PDS5A: variants seen among roughly 807,000 people sequenced by gnomAD.
The protein encoded by PDS5A is PDS5 cohesin associated factor A, also known as sister chromatid cohesion protein PDS5 homolog A.
Under a neutral mutation model 167.1 loss-of-function variants are expected in PDS5A, and 42 were observed. The observed-to-expected ratio is 0.25, with a 90% CI of 0.20 to 0.33. The LOEUF (loss-of-function observed/expected upper bound fraction) is 0.33, where lower values mean the gene tolerates loss of function less well. Ranked by LOEUF, PDS5A falls within the 10% of genes least tolerant of loss-of-function variation. The probability of loss-of-function intolerance (pLI) is 1.00; values close to 1 mark genes in which losing one functional copy is unlikely to be tolerated. For missense variants in PDS5A, 1,033 were observed against 1,605.9 expected (o/e 0.64, Z 6.10); for synonymous variants, 553 against 554.6 (o/e 1.00, Z 0.04).
chr4:39,907,269 G>A (rs538202829), intron 11 of PDS5A, among the ~76,000 whole-genome samples: 2 of 152,186 alleles, frequency 1.3e-5, no homozygotes, highest in Admixed American at 6.5e-5. Context: ...AACTTAAAAG[G>A]TATCTGCCTT....
intron 2 of PDS5A, among the ~76,000 whole-genome samples, chr4:39,963,989 C>T (rs1729745566): frequency 6.6e-6 from 1 of 152,140 alleles, no homozygotes; most frequent in Non-Finnish European, 1.5e-5. Context: ...TCACTGCAAC[C>T]TCTGCCTCCC....
rs184958061 is a variant in PDS5A at position 39,959,163 on chromosome 4, A to C, written c.138+17277T>G. Reference sequence around the variant, plus strand: ...AATCATCTCAAAATATGATAATCTCACATGAAAATCCATTCTACTGTTATT... The same window carrying C: ...AATCATCTCAAAATATGATAATCTCCCATGAAAATCCATTCTACTGTTATT... On this transcript the variant is annotated intron_variant, in intron 2 of 32. Coordinates refer to ENST00000303538, the MANE Select transcript of PDS5A (RefSeq NM_001100399.2). Among the ~76,000 whole-genome samples, 37 of 152,284 alleles carry C rather than the reference A, an allele frequency of 2.4e-4. No homozygotes were observed. In the East Asian group the frequency reaches 5.4e-3, roughly 22 times the overall value.
At chr4:39,918,854 A>C (rs967681806) in intron 7 of PDS5A, among the ~76,000 whole-genome samples, 1 of 152,204 alleles carries the variant, frequency 6.6e-6, no homozygotes, top group African/African-American at 2.4e-5. Context: ...CTCCATCTCT[A>C]ATCATTCCCA....
intron 32 of PDS5A, among the ~76,000 whole-genome samples, chr4:39,836,104 T>C (rs1248113695): frequency 6.6e-6 from 1 of 152,222 alleles, no homozygotes; most frequent in African/African-American, 2.4e-5. Flanking sequence ...GGCACTTTGC[T>C]AGGCGCTTTC....
At chr4:39,836,296 TAGG>T (rs1319546614) in intron 32 of PDS5A, among the ~76,000 whole-genome samples, 1 of 152,106 alleles carries the variant, frequency 6.6e-6, no homozygotes, top group East Asian at 1.9e-4. Flanking sequence ...CAGAAGTGAG[TAGG>T]AGGAACACAC....
In PDS5A at chr4:39,926,764, T is replaced by G. The variant is rs1356219884; in HGVS notation, c.429+11A>C. On this transcript the variant is annotated intron_variant, in intron 4 of 32. Coordinates refer to ENST00000303538, the MANE Select transcript of PDS5A (RefSeq NM_001100399.2). ...TAATGTTAATAGTTATTAAAGTTTT[T>G]TTTTTTTTACCTCTAATAAATAAAA... 1.5e-6 allele frequency: 2 copies of G among 1,363,758 alleles called. No individual in the cohort carries two copies. Among genetic ancestry groups the G allele is most frequent in the Non-Finnish European group, 9.6e-7 (1 of 1,039,790 alleles). 84.5% of individuals were successfully genotyped at this position (1,363,758 alleles called of 1,614,324 possible).
chr4:39,828,763 A>G (rs1342262286), intron 32 of PDS5A, among the ~76,000 whole-genome samples: 2 of 152,234 alleles, frequency 1.3e-5, no homozygotes, highest in East Asian at 1.9e-4. Context: ...CAGATCGACA[A>G]AAGAGCACCT....
chr4:39,968,832 G>C (rs1022800299), intron 2 of PDS5A, among the ~76,000 whole-genome samples: 12 of 151,028 alleles, frequency 7.9e-5, no homozygotes, highest in African/African-American at 2.7e-4. Flanking sequence ...CTGGAGTGCA[G>C]TGGCGTGATC....
At chr4:39,970,933 C>T (rs942858529) in intron 2 of PDS5A, among the ~76,000 whole-genome samples, 1 of 149,158 alleles carries the variant, frequency 6.7e-6, no homozygotes, top group Non-Finnish European at 1.5e-5. Context: ...TGAGTAGCTA[C>T]GACCATATTT....
chr4:39,839,113 T>G (rs993902567), intron 31 of PDS5A, among the ~76,000 whole-genome samples: 1 of 152,168 alleles, frequency 6.6e-6, no homozygotes, highest in African/African-American at 2.4e-5. Context: ...TTTGTTTAAG[T>G]CAAGACTGCT....
chr4:39,919,461 C>A (rs191539385), intron 7 of PDS5A, among the ~76,000 whole-genome samples: 2 of 152,040 alleles, frequency 1.3e-5, no homozygotes, highest in Non-Finnish European at 2.9e-5. Flanking sequence ...CTGGCTAACA[C>A]GGTGAAACCC....
At chr4:39,972,984 C>A in intron 2 of PDS5A, 1 of 407,046 alleles carries the variant, frequency 2.5e-6, no homozygotes. Context: ...CTGGCATTTG[C>A]TCGGTACATA....
intron 2 of PDS5A, among the ~76,000 whole-genome samples, chr4:39,964,940 C>CAAA (rs1249715129): frequency 6.7e-6 from 1 of 150,056 alleles, no homozygotes; most frequent in African/African-American, 2.4e-5. Context: ...GACTCTGTCT[C>CAAA]AAAAAATAAT....
intron 2 of PDS5A, among the ~76,000 whole-genome samples, chr4:39,940,616 C>T (rs571765123): frequency 2.6e-5 from 4 of 152,180 alleles, no homozygotes; most frequent in South Asian, 4.2e-4. Context: ...AAAGAAGAGA[C>T]GAGGAGGAAC....
chr4:39,842,017 T>C lies in PDS5A; in HGVS notation c.3588A>G (p.Glu1196=), dbSNP rs1395442677. The change falls in exon 31 of 33, where the codon GAA becomes GAG. Residue 1196 remains glutamate, a synonymous_variant. Transcript: ENST00000303538. ...TAATCCTCACAGGGTTCTCTTCATT[T>C]TCACTAACTCCAGTTTCTGCTGCCT... ...SSEAAETGVS[E]NEENPVRIIS... 7 of 1,609,832 alleles carry C rather than the reference T, an allele frequency of 4.3e-6. No homozygotes were observed. The East Asian group carries it at 1.3e-4, about 31-fold the overall frequency.
chr4:39,901,157 A>G (rs1275721263), intron 13 of PDS5A, among the ~76,000 whole-genome samples: 2 of 152,210 alleles, frequency 1.3e-5, no homozygotes, highest in Admixed American at 1.3e-4. Context: ...GATATTTTGA[A>G]ATGTAAACAA....
intron 21 of PDS5A, among the ~76,000 whole-genome samples, chr4:39,871,878 G>T (rs985656869): frequency 6.6e-6 from 1 of 151,580 alleles, no homozygotes; most frequent in African/African-American, 2.4e-5. Context: ...TAATTTTTTT[G>T]TATTTTTAGT....
In PDS5A at chr4:39,936,032, TAAAAG is replaced by T. The variant is rs202051831; in HGVS notation, c.139-7873_139-7869del. Reference sequence around the variant, plus strand: ...CATACAAAAGACTTCTAATTCGCGATAAAAGGAACCTGACAGAAGCAAGGCGCAAA... The same window carrying T: ...CATACAAAAGACTTCTAATTCGCGATGAACCTGACAGAAGCAAGGCGCAAA... On this transcript the variant is annotated intron_variant, in intron 2 of 32. Coordinates refer to ENST00000303538, the MANE Select transcript of PDS5A (RefSeq NM_001100399.2). 8.4e-3 allele frequency among the ~76,000 whole-genome samples: 1,285 copies of T among 152,072 alleles called. 6 individuals carry two copies. Among genetic ancestry groups the T allele is most frequent in the South Asian group, 0.034 (164 of 4,822 alleles).
At chr4:39,836,271 ATTAG>A (rs1716376965) in intron 32 of PDS5A, among the ~76,000 whole-genome samples, 1 of 152,194 alleles carries the variant, frequency 6.6e-6, no homozygotes, top group Non-Finnish European at 1.5e-5. Context: ...TACTACACTT[ATTAG>A]TTAATAGAAA....
Sources: allele counts gnomAD v4.1 joint callset (sites outside exome capture counted in the v4.1 genomes callset), GRCh38; gene constraint gnomAD v4.1.1; transcripts MANE v1.5; gene names NCBI Gene and HGNC (gene_info 2026-07-23, HGNC 2026-07-21).